Variants in FKBP5 observed in about 807,000 individuals in gnomAD.
FKBP5 encodes FKBP prolyl isomerase 5.
In FKBP5, 23 loss-of-function variants were observed where a neutral mutation model predicts 50.5. That is an observed-to-expected ratio of 0.46 (90% CI 0.33 to 0.65). The LOEUF (loss-of-function observed/expected upper bound fraction) is 0.65. Ranked by LOEUF, FKBP5 falls within the 30% of genes least tolerant of loss-of-function variation. The pLI is 0.02. For missense variants in FKBP5, 411 were observed against 553.1 expected, an observed-to-expected ratio of 0.74 and a Z score of 2.58; for synonymous variants, 176 against 190.6, an observed-to-expected ratio of 0.92 and a Z score of 0.63.
chr6:35,595,608 G>A (rs1444548135), intron 6 of FKBP5, among the ~76,000 whole-genome samples: 5 of 151,970 alleles, frequency 3.3e-5, no homozygotes, highest in South Asian at 2.1e-4. Flanking sequence ...AAAAGTAGCC[G>A]GGTGTGGTGG....
chr6:35,714,928 A>T (rs1766487025), intron 2 of FKBP5, among the ~76,000 whole-genome samples: 1 of 152,070 alleles, frequency 6.6e-6, no homozygotes, highest in Non-Finnish European at 1.5e-5. Context: ...TTTATTTATT[A>T]ATTTTTTTAA....
chr6:35,651,399 G>A (rs1764794402), intron 1 of FKBP5, among the ~76,000 whole-genome samples: 1 of 152,142 alleles, frequency 6.6e-6, no homozygotes, highest in South Asian at 2.1e-4. Flanking sequence ...GAACATTTCA[G>A]ATTGCTTTTT....
chr6:35,589,126 A>ATC (rs1421305008), intron 7 of FKBP5, among the ~76,000 whole-genome samples: 1 of 125,526 alleles, frequency 8.0e-6, no homozygotes, highest in East Asian at 2.2e-4. Flanking sequence ...ATATATATAT[A>ATC]TATTTTTTTT....
intron 5 of FKBP5, among the ~76,000 whole-genome samples, chr6:35,601,180 C>A (rs986785525): frequency 2.0e-5 from 3 of 152,122 alleles, no homozygotes; most frequent in Non-Finnish European, 4.4e-5. Flanking sequence ...TAACCCTTCA[C>A]AATTGGACCC....
chr6:35,671,752 A>G (rs892087091), intron 1 of FKBP5, among the ~76,000 whole-genome samples: 2 of 152,242 alleles, frequency 1.3e-5, no homozygotes, highest in Non-Finnish European at 2.9e-5. Context: ...AAATAATTCA[A>G]CATAAGAAAA....
intron 1 of FKBP5, among the ~76,000 whole-genome samples, chr6:35,643,800 G>A (rs1428803296): frequency 1.3e-5 from 2 of 152,060 alleles, no homozygotes; most frequent in Non-Finnish European, 2.9e-5. Context: ...CTCTTCTCTC[G>A]ATTTGTTGTC....
At chr6:35,646,695 T>C (rs1764639907) in intron 1 of FKBP5, among the ~76,000 whole-genome samples, 1 of 152,204 alleles carries the variant, frequency 6.6e-6, no homozygotes, top group Non-Finnish European at 1.5e-5. Flanking sequence ...AAAATCACTA[T>C]GTAGCTATGG....
At position 35,580,111 on chromosome 6, in the gene FKBP5, A is replaced by C; in HGVS notation, c.951T>G (p.Leu317=). The C allele has an allele frequency of 6.2e-7, 1 of 1,614,172 alleles. No individual in the cohort carries two copies. The highest frequency in any genetic ancestry group is 8.5e-7 in the Non-Finnish European group (1 of 1,179,994). ...ACATGGCCAGGTTCAGAAAGGCAGC[A>C]AGGAGAAATGATTCAGAAGCTTTCG... is the stretch of plus-strand genomic sequence containing the variant. ...KESKASESFL[L]AAFLNLAMCY... is the part of the protein sequence containing the mutation. Residue 317 remains leucine (L), a synonymous_variant, in exon 9 of 11, where the codon CTT becomes CTG. Transcript: ENST00000357266.
chr6:35,626,787 C>A (rs924354001), intron 3 of FKBP5, among the ~76,000 whole-genome samples: 1 of 152,178 alleles, frequency 6.6e-6, no homozygotes, highest in African/African-American at 2.4e-5. Flanking sequence ...CCTCAAGGTT[C>A]GTCCATGTTG....
At chr6:35,631,954 C>CAAAAA (rs763457961) in intron 3 of FKBP5, among the ~76,000 whole-genome samples, 1 of 63,774 alleles carries the variant, frequency 1.6e-5, no homozygotes, top group African/African-American at 5.5e-5. Flanking sequence ...GACTCTGTCT[C>CAAAAA]AAAAAAAAAA....
chr6:35,633,275 G>A (rs185410202), intron 3 of FKBP5, among the ~76,000 whole-genome samples: 143 of 152,206 alleles, frequency 9.4e-4, no homozygotes, highest in African/African-American at 3.2e-3. Context: ...GGGCACAGTG[G>A]CTCATGCCTG....
intron 5 of FKBP5, among the ~76,000 whole-genome samples, chr6:35,609,079 G>A (rs9470067): frequency 0.03 from 4,641 of 152,214 alleles, 170 homozygotes; most frequent in African/African-American, 0.086. Context: ...GGGCCACTGT[G>A]CCCAGGCCAG....
At chr6:35,706,767 G>A (rs550597364) in intron 2 of FKBP5, among the ~76,000 whole-genome samples, 4 of 152,092 alleles carry the variant, frequency 2.6e-5, no homozygotes, top group African/African-American at 7.2e-5. Flanking sequence ...TATATACAAC[G>A]ATGTTCTCTG....
At chr6:35,719,864 G>C (rs924115370) in intron 2 of FKBP5, among the ~76,000 whole-genome samples, 1 of 152,348 alleles carries the variant, frequency 6.6e-6, no homozygotes, top group Non-Finnish European at 1.5e-5. Flanking sequence ...TTCTGGGAGG[G>C]GGGTTTCCGT....
intron 7 of FKBP5, among the ~76,000 whole-genome samples, chr6:35,589,758 G>T (rs922938971): frequency 6.6e-6 from 1 of 152,202 alleles, no homozygotes; most frequent in Non-Finnish European, 1.5e-5. Flanking sequence ...AGCATTGGGG[G>T]ATCAGTGCTG....
intron 6 of FKBP5, among the ~76,000 whole-genome samples, chr6:35,591,886 T>C (rs1171730669): frequency 6.6e-6 from 1 of 152,248 alleles, no homozygotes; most frequent in Non-Finnish European, 1.5e-5. Context: ...TTATGGCTTA[T>C]AGCTATCAGA....
chr6:35,587,511 C>G (rs145339249), intron 7 of FKBP5, among the ~76,000 whole-genome samples: 1 of 152,300 alleles, frequency 6.6e-6, no homozygotes, highest in African/African-American at 2.4e-5. Context: ...TTTTTCAACT[C>G]TAAAATGGGA....
At chr6:35,599,763 CT>C (rs1763088344) in intron 5 of FKBP5, among the ~76,000 whole-genome samples, 1 of 152,216 alleles carries the variant, frequency 6.6e-6, no homozygotes, top group Admixed American at 6.5e-5. Context: ...CTGATAATTC[CT>C]TCTGTTAGAC....
intron 1 of FKBP5, among the ~76,000 whole-genome samples, chr6:35,722,612 G>A (rs148378472): frequency 9.6e-4 from 146 of 152,300 alleles, no homozygotes; most frequent in Non-Finnish European, 1.8e-3. Context: ...TGCACTCCAT[G>A]TCCAGCCAGA....
Sources: gnomAD v4.1 joint callset for allele counts (sites outside exome capture counted in the v4.1 genomes callset) on GRCh38, gnomAD v4.1.1 for gene constraint, MANE v1.5 for transcripts, NCBI Gene and HGNC (gene_info 2026-07-23, HGNC 2026-07-21) for gene names.